The following TAF4B variants were observed in gnomAD, a reference collection of about 807,000 sequenced individuals.
The protein encoded by TAF4B is TATA-box binding protein associated factor 4b, also known as transcription initiation factor TFIID subunit 4B.
TAF4B carries 38 observed loss-of-function variants against 86.4 expected under a neutral mutation model. The observed-to-expected ratio is 0.44, with a 90% CI of 0.34 to 0.58. The LOEUF is 0.58. Among genes scored for constraint, TAF4B ranks in the 20% least tolerant of loss-of-function variants. TAF4B has a pLI of 0.02. For synonymous variants in TAF4B, 388 were observed against 391.2 expected, an observed-to-expected ratio of 0.99 and a Z score of 0.10; for missense variants, 988 against 1,027.6, an observed-to-expected ratio of 0.96 and a Z score of 0.53.
rs1399559893 is a variant in TAF4B, at chr18:26,390,233, T to A, written c.*221T>A. 4 of 471,508 alleles carry A rather than the reference T, an allele frequency of 8.5e-6. No individual in the cohort carries two copies. Among genetic ancestry groups the A allele is most frequent in the African/African-American group, 2.0e-5 (1 of 50,220 alleles). The allele number at this position is 471,508 out of a possible 1,614,324, so 29.2% of individuals were successfully genotyped here. ...CTGAAAATCAGTTATGAAATACACT[T>A]TGCACAGAATTAGGCATCTGCCTAT... On this transcript the variant is annotated 3_prime_UTR_variant, in exon 15 of 15. Transcript: ENST00000269142.
At chr18:26,252,835 A>T (rs1027978376) in intron 1 of TAF4B, among the ~76,000 whole-genome samples, 2 of 149,856 alleles carry the variant, frequency 1.3e-5, no homozygotes, top group African/African-American at 2.4e-5. Context: ...TTATTTATAT[A>T]TATTTTATTA....
chr18:26,381,356 T>C (rs1004741054), intron 14 of TAF4B, among the ~76,000 whole-genome samples: 2 of 151,830 alleles, frequency 1.3e-5, no homozygotes, highest in South Asian at 2.1e-4. Context: ...TGTTCAGAGG[T>C]ACAATGTGCA....
At chr18:26,319,389 A>G (rs1479522347) in intron 10 of TAF4B, among the ~76,000 whole-genome samples, 6 of 150,990 alleles carry the variant, frequency 4.0e-5, no homozygotes, top group Non-Finnish European at 7.4e-5. Context: ...AATCCCAGCT[A>G]CTTGGGAGGC....
At chr18:26,306,633 A>G (rs1306809783) in intron 9 of TAF4B, among the ~76,000 whole-genome samples, 2 of 152,196 alleles carry the variant, frequency 1.3e-5, no homozygotes, top group Non-Finnish European at 2.9e-5. Flanking sequence ...ATTTTTGTAC[A>G]AAGGTGCACT....
At chr18:26,291,427 GATTACGGCT>G (rs887036433) in intron 7 of TAF4B, among the ~76,000 whole-genome samples, 8 of 152,014 alleles carry the variant, frequency 5.3e-5, no homozygotes, top group Non-Finnish European at 8.8e-5. Flanking sequence ...TCCCCGCTGG[GATTACGGCT>G]GGGATTACAC....
At chr18:26,361,172 A>G (rs1455494152) in intron 14 of TAF4B, among the ~76,000 whole-genome samples, 1 of 152,170 alleles carries the variant, frequency 6.6e-6, no homozygotes, top group Non-Finnish European at 1.5e-5. Context: ...TTCATCTTGT[A>G]AAACTAAAAT....
chr18:26,241,986 G>A (rs773206906), intron 1 of TAF4B, among the ~76,000 whole-genome samples: 27 of 152,100 alleles, frequency 1.8e-4, no homozygotes, highest in Non-Finnish European at 2.9e-4. Context: ...ACATTTGCTG[G>A]GGAGTGCTTT....
intron 13 of TAF4B, among the ~76,000 whole-genome samples, chr18:26,355,082 T>C (rs992930077): frequency 1.3e-5 from 2 of 152,208 alleles, no homozygotes; most frequent in East Asian, 3.9e-4. Flanking sequence ...TTTTGTGATT[T>C]ATAGTGTAGA....
At chr18:26,255,484 A>G (rs1464470810) in intron 1 of TAF4B, among the ~76,000 whole-genome samples, 4 of 151,310 alleles carry the variant, frequency 2.6e-5, no homozygotes, top group Non-Finnish European at 5.9e-5. Flanking sequence ...GCACCTATAA[A>G]CCCAGCTACT....
intron 5 of TAF4B, among the ~76,000 whole-genome samples, chr18:26,278,616 G>T (rs898679622): frequency 4.3e-5 from 6 of 140,456 alleles, no homozygotes; most frequent in African/African-American, 1.0e-4. Flanking sequence ...GCCTTCTGTT[G>T]TTTTTTTTTT....
intron 10 of TAF4B, among the ~76,000 whole-genome samples, chr18:26,320,781 T>C (rs1279108565): frequency 1.3e-5 from 2 of 152,192 alleles, no homozygotes; most frequent in African/African-American, 2.4e-5. Context: ...CCCTGAACAA[T>C]AGACTTGATT....
chr18:26,327,591 GACA>G (rs2057015019), intron 12 of TAF4B, among the ~76,000 whole-genome samples: 1 of 152,006 alleles, frequency 6.6e-6, no homozygotes, highest in East Asian at 1.9e-4. Context: ...TATTTTTGGA[GACA>G]GAGTCTTGCA....
At chr18:26,325,669 AT>A (rs2056998032) in intron 11 of TAF4B, among the ~76,000 whole-genome samples, 1 of 152,218 alleles carries the variant, frequency 6.6e-6, no homozygotes, top group Admixed American at 6.5e-5. Flanking sequence ...AAATCCCATC[AT>A]TAAACCATTT....
chr18:26,347,555 A>G (rs993979422), intron 13 of TAF4B, among the ~76,000 whole-genome samples: 7 of 152,244 alleles, frequency 4.6e-5, no homozygotes, highest in South Asian at 4.1e-4. Context: ...CAATAAAATG[A>G]TAGTAATAAG....
At chr18:26,387,870 A>T (rs958962293) in intron 14 of TAF4B, among the ~76,000 whole-genome samples, 1 of 152,188 alleles carries the variant, frequency 6.6e-6, no homozygotes, top group Non-Finnish European at 1.5e-5. Flanking sequence ...AAGAAGTTTT[A>T]TTTGTCCGTC....
intron 13 of TAF4B, among the ~76,000 whole-genome samples, chr18:26,350,490 A>G (rs1027489171): frequency 1.3e-5 from 2 of 152,150 alleles, no homozygotes; most frequent in African/African-American, 4.8e-5. Context: ...TGGGCAACAT[A>G]GAGACCCCGT....
intron 1 of TAF4B, among the ~76,000 whole-genome samples, chr18:26,254,176 C>T (rs1386946178): frequency 1.3e-5 from 2 of 152,024 alleles, no homozygotes; most frequent in African/African-American, 4.8e-5. Flanking sequence ...GATCTACCTA[C>T]GTTGGCCTCC....
chr18:26,341,339 C>G lies in TAF4B; in HGVS notation c.2316+6108C>G, dbSNP rs529903560. On this transcript the variant is annotated intron_variant, in intron 13 of 14. Transcript: ENST00000269142. ...AACATTTAAGATAGATGTCATTGAG[C>G]TCTTAGATTTAGGTTTGAGATAGAC... is the stretch of plus-strand genomic sequence containing the variant. Among the ~76,000 whole-genome samples, 5 of 152,054 alleles carry G rather than the reference C, an allele frequency of 3.3e-5. No individual in the cohort carries two copies. In the South Asian group the frequency reaches 1.0e-3, roughly 32 times the overall value.
chr18:26,321,191 T>C lies in TAF4B; in HGVS notation c.2124T>C (p.Thr708=). 1 of 1,613,620 alleles carries C rather than the reference T, an allele frequency of 6.2e-7. No homozygotes were observed. Among genetic ancestry groups the C allele is most frequent in the Non-Finnish European group, 8.5e-7 (1 of 1,179,700 alleles). ...KLTAIAQHRM[T]TYKASENYIL... is the part of the protein sequence containing the mutation. Reference sequence around the variant, plus strand: ...CTGCAATTGCTCAGCATCGAATGACTACTTACAAGGTAAAGGAAATCATTA... The same window carrying C: ...CTGCAATTGCTCAGCATCGAATGACCACTTACAAGGTAAAGGAAATCATTA... Residue 708 remains threonine (T), a synonymous_variant, in exon 11 of 15, where the codon ACT becomes ACC. Coordinates refer to ENST00000269142, the MANE Select transcript of TAF4B (RefSeq NM_005640.3).
Sources: allele counts gnomAD v4.1 joint callset (sites outside exome capture counted in the v4.1 genomes callset), GRCh38; gene constraint gnomAD v4.1.1; transcripts MANE v1.5; gene names NCBI Gene and HGNC (gene_info 2026-07-23, HGNC 2026-07-21).